Variants in DPP6 observed in about 807,000 individuals in gnomAD.
The protein encoded by DPP6 is A-type potassium channel modulatory protein DPP6.
Under a neutral mutation model 122.6 loss-of-function variants are expected in DPP6, and 69 were observed. The observed-to-expected ratio is 0.56, with a 90% CI of 0.46 to 0.69. The LOEUF is 0.69. DPP6 is among the 30% of genes least tolerant of loss of function. The pLI is 0.00. For synonymous variants in DPP6, 418 were observed against 433.1 expected (o/e 0.97, Z 0.43); for missense variants, 928 against 1,116.9 (o/e 0.83, Z 2.41).
chr7:154,353,700 G>A (rs1240176625), intron 1 of DPP6, among the ~76,000 whole-genome samples: 2 of 152,174 alleles, frequency 1.3e-5, no homozygotes, highest in East Asian at 3.9e-4. Context: ...ATCAACAAAA[G>A]ACCTCCTGCA....
chr7:154,705,335 C>T (rs1840768882), intron 7 of DPP6, among the ~76,000 whole-genome samples: 2 of 152,218 alleles, frequency 1.3e-5, no homozygotes, highest in Admixed American at 1.3e-4. Context: ...TGCCTCCATC[C>T]TTATCTCCTG....
intron 1 of DPP6, among the ~76,000 whole-genome samples, chr7:154,084,876 G>A (rs1397169370): frequency 6.6e-5 from 10 of 150,440 alleles, no homozygotes; most frequent in Non-Finnish European, 1.2e-4. Context: ...TGGAGTCCCA[G>A]CTACTTGGGA....
At chr7:154,880,858 G>C in intron 20 of DPP6, 30 bp from the exon 21 acceptor site, 7 of 1,613,944 alleles carry the variant, frequency 4.3e-6, no homozygotes, top group Non-Finnish European at 5.1e-6. Flanking sequence ...GATGTGCACT[G>C]AACCCTCTTT....
intron 1 of DPP6, among the ~76,000 whole-genome samples, chr7:154,147,607 G>A (rs1401610577): frequency 1.3e-5 from 2 of 151,794 alleles, no homozygotes; most frequent in Non-Finnish European, 2.9e-5. Context: ...AGCCTCCTGA[G>A]TAGCTGGGAT....
chr7:153,872,424 A>T, the DPP6 span, among the ~76,000 whole-genome samples: 1 of 152,236 alleles, frequency 6.6e-6, no homozygotes, highest in East Asian at 1.9e-4. Context: ...GGCTCATTTA[A>T]ATACTGTTAA....
At chr7:154,823,640 G>A (rs1799946040) in intron 16 of DPP6, among the ~76,000 whole-genome samples, 1 of 152,206 alleles carries the variant, frequency 6.6e-6, no homozygotes. Flanking sequence ...TACGGTGAAG[G>A]TGGACATGCC....
At chr7:153,763,934 A>G in the DPP6 span, among the ~76,000 whole-genome samples, 1 of 152,216 alleles carries the variant, frequency 6.6e-6, no homozygotes, top group Non-Finnish European at 1.5e-5. Flanking sequence ...AGCATTAGAC[A>G]TGATCTCCAC....
intron 16 of DPP6, among the ~76,000 whole-genome samples, chr7:154,827,946 T>A (rs1429133916): frequency 1.3e-5 from 2 of 152,084 alleles, no homozygotes; most frequent in East Asian, 3.9e-4. Flanking sequence ...GGGATGGAAG[T>A]CACACATATG....
intron 1 of DPP6, among the ~76,000 whole-genome samples, chr7:154,351,641 C>T (rs1319097800): frequency 2.0e-5 from 3 of 152,174 alleles, no homozygotes; most frequent in Non-Finnish European, 4.4e-5. Context: ...CTGGAATGTG[C>T]TGTCAGTTCT....
Position 154,107,676 on chromosome 7 carries a change from C to A in DPP6, c.243+54613C>A, listed in dbSNP as rs114371912. On this transcript the variant is annotated intron_variant, in intron 1 of 25. Coordinates refer to ENST00000377770, the MANE Select transcript of DPP6 (RefSeq NM_130797.4). ...TGTATATCAAAACATCATAATGGACCCCATGAATATATGTAATTATTATTT... is the reference window on the plus strand; with the variant it reads ...TGTATATCAAAACATCATAATGGACACCATGAATATATGTAATTATTATTT... 6.4e-3 allele frequency among the ~76,000 whole-genome samples: 972 copies of A among 152,180 alleles called. 19 individuals are homozygous for A. Among genetic ancestry groups the A allele is most frequent in the African/African-American group, 0.023 (942 of 41,484 alleles).
At chr7:154,127,674 C>CACACACACACACAT (rs1244574560) in intron 1 of DPP6, among the ~76,000 whole-genome samples, 1 of 148,044 alleles carries the variant, frequency 6.8e-6, no homozygotes, top group African/African-American at 2.5e-5. Context: ...CACACACACA[C>CACACACACACACAT]ACAAAACAGC....
At chr7:154,591,755 C>G (rs1365128170) in intron 5 of DPP6, among the ~76,000 whole-genome samples, 2 of 152,220 alleles carry the variant, frequency 1.3e-5, no homozygotes, top group Non-Finnish European at 2.9e-5. Flanking sequence ...GCATCGCCAG[C>G]TGCAGGCCCT....
At chr7:154,509,964 A>G (rs1171513601) in intron 3 of DPP6, among the ~76,000 whole-genome samples, 1 of 152,292 alleles carries the variant, frequency 6.6e-6, no homozygotes, top group South Asian at 2.1e-4. Context: ...TGATAGATCA[A>G]AGTTAAGGGA....
chr7:154,726,646 C>A (rs112291225), intron 7 of DPP6, among the ~76,000 whole-genome samples: 1 of 152,098 alleles, frequency 6.6e-6, no homozygotes, highest in South Asian at 2.1e-4. Context: ...GCCTTGGAGG[C>A]GTTTTCCTTA....
At chr7:154,120,490 C>T (rs1335266041) in intron 1 of DPP6, among the ~76,000 whole-genome samples, 3 of 152,076 alleles carry the variant, frequency 2.0e-5, no homozygotes, top group Admixed American at 6.5e-5. Flanking sequence ...GTGATCCGCC[C>T]GCCTCAGCCT....
At chr7:154,287,255 A>C (rs1426632384) in intron 1 of DPP6, among the ~76,000 whole-genome samples, 1 of 152,240 alleles carries the variant, frequency 6.6e-6, no homozygotes, top group Non-Finnish European at 1.5e-5. Flanking sequence ...CAGGGTTCAC[A>C]TGTGACCATG....
chr7:154,186,995 C>G (rs965125589), intron 1 of DPP6, among the ~76,000 whole-genome samples: 3 of 152,172 alleles, frequency 2.0e-5, no homozygotes, highest in Non-Finnish European at 4.4e-5. Flanking sequence ...TGAGCCAGTT[C>G]CCGTTTGGAG....
chr7:153,772,930 GAA>G, the DPP6 span, among the ~76,000 whole-genome samples: 323 of 141,004 alleles, frequency 2.3e-3, no homozygotes, highest in African/African-American at 7.6e-3. Flanking sequence ...ATATATAAAA[GAA>G]AAGACTTTTA....
At chr7:154,058,810 TGGGG>T in intron 1 of DPP6, 5 of 144,614 alleles carry the variant, frequency 3.5e-5, no homozygotes, top group African/African-American at 1.3e-4. Context: ...CCCACGACAG[TGGGG>T]ACTGAGAGCT....
Sources: gnomAD v4.1 joint callset for allele counts (sites outside exome capture counted in the v4.1 genomes callset) on GRCh38, gnomAD v4.1.1 for gene constraint, MANE v1.5 for transcripts, NCBI Gene and HGNC (gene_info 2026-07-23, HGNC 2026-07-21) for gene names.